CLSTN2: variants seen among roughly 807,000 people sequenced by gnomAD.
CLSTN2 encodes the protein calsyntenin-2.
A neutral mutation model predicts 101.2 loss-of-function variants in CLSTN2; 48 were observed. That is an observed-to-expected ratio of 0.47 (90% CI 0.38 to 0.60). The LOEUF is 0.60. CLSTN2 is among the 20% of genes least tolerant of loss of function. The probability of loss-of-function intolerance (pLI) is 0.00; values close to 1 mark genes in which losing one functional copy is unlikely to be tolerated. For synonymous variants in CLSTN2, 481 were observed against 463.6 expected (o/e 1.04, Z -0.48); for missense variants, 1,160 against 1,238.2 (o/e 0.94, Z 0.95).
At chr3:140,423,867 C>T (rs148297977) in intron 5 of CLSTN2, among the ~76,000 whole-genome samples, 174 of 152,236 alleles carry the variant, frequency 1.1e-3, no homozygotes, top group African/African-American at 4.1e-3. Context: ...TTTAGGCAAC[C>T]GGGATTAGTT....
At chr3:140,334,900 G>A (rs1026917652) in intron 2 of CLSTN2, among the ~76,000 whole-genome samples, 7 of 152,176 alleles carry the variant, frequency 4.6e-5, no homozygotes, top group Admixed American at 1.3e-4. Flanking sequence ...TTTACCCCCA[G>A]AACCTCAGGA....
At chr3:140,093,431 T>G (rs920213922) in intron 1 of CLSTN2, among the ~76,000 whole-genome samples, 8 of 152,132 alleles carry the variant, frequency 5.3e-5, no homozygotes, top group Non-Finnish European at 1.2e-4. Context: ...CTCTCTTCCC[T>G]TCTCACTTGT....
chr3:140,472,710 T>TCC (rs149061224), intron 8 of CLSTN2, among the ~76,000 whole-genome samples: 1 of 152,226 alleles, frequency 6.6e-6, no homozygotes, highest in Non-Finnish European at 1.5e-5. Context: ...GTCTTTTTTT[T>TCC]CTCTCTCTCT....
At chr3:140,340,148 T>C (rs544860658) in intron 2 of CLSTN2, among the ~76,000 whole-genome samples, 1 of 152,374 alleles carries the variant, frequency 6.6e-6, no homozygotes, top group Admixed American at 6.5e-5. Flanking sequence ...CATGTATCCT[T>C]TATAATATTG....
At chr3:139,981,474 A>C (rs1935921658) in intron 1 of CLSTN2, among the ~76,000 whole-genome samples, 1 of 152,240 alleles carries the variant, frequency 6.6e-6, no homozygotes, top group African/African-American at 2.4e-5. Context: ...CAAGATGGCT[A>C]TGCCAAGTTT....
At chr3:140,510,788 A>G (rs1420703850) in intron 8 of CLSTN2, among the ~76,000 whole-genome samples, 1 of 152,246 alleles carries the variant, frequency 6.6e-6, no homozygotes, top group Non-Finnish European at 1.5e-5. Flanking sequence ...TTTGCAAATG[A>G]GAGTAACATC....
At chr3:140,190,917 T>C (rs1002846171) in intron 2 of CLSTN2, among the ~76,000 whole-genome samples, 1 of 152,072 alleles carries the variant, frequency 6.6e-6, no homozygotes, top group African/African-American at 2.4e-5. Context: ...TTCCTTTTTA[T>C]TGTCTTTATA....
intron 1 of CLSTN2, among the ~76,000 whole-genome samples, chr3:139,949,010 T>A (rs1935253065): frequency 6.6e-6 from 1 of 152,098 alleles, no homozygotes. Context: ...CTGGAGGAGT[T>A]TTCCTGTGTT....
chr3:140,489,869 G>C (rs1460070620), intron 8 of CLSTN2, among the ~76,000 whole-genome samples: 4 of 151,188 alleles, frequency 2.6e-5, no homozygotes, highest in African/African-American at 9.7e-5. Context: ...GAAACGCTGA[G>C]TTTTGAATCA....
chr3:140,278,869 G>A (rs1427738268), intron 2 of CLSTN2, among the ~76,000 whole-genome samples: 5 of 152,094 alleles, frequency 3.3e-5, no homozygotes. Context: ...ACAAGTGCCT[G>A]CCACTATGCC....
At chr3:140,481,738 G>T (rs1333171745) in intron 8 of CLSTN2, among the ~76,000 whole-genome samples, 8 of 152,090 alleles carry the variant, frequency 5.3e-5, no homozygotes, top group Non-Finnish European at 7.4e-5. Flanking sequence ...CTCATTATTT[G>T]GCTCTCTGTT....
At chr3:140,439,648 AC>A (rs2088737043) in intron 5 of CLSTN2, among the ~76,000 whole-genome samples, 1 of 152,230 alleles carries the variant, frequency 6.6e-6, no homozygotes, top group Admixed American at 6.5e-5. Context: ...TTCAGGATTC[AC>A]ATTTGTCCAC....
intron 2 of CLSTN2, among the ~76,000 whole-genome samples, chr3:140,310,523 TGCAA>T (rs2087157945): frequency 6.6e-6 from 1 of 152,160 alleles, no homozygotes; most frequent in Non-Finnish European, 1.5e-5. Context: ...CATCAATGTC[TGCAA>T]GCAGTCAGGG....
intron 2 of CLSTN2, among the ~76,000 whole-genome samples, chr3:140,386,829 C>A (rs1315902750): frequency 6.6e-6 from 1 of 152,134 alleles, no homozygotes; most frequent in Non-Finnish European, 1.5e-5. Flanking sequence ...TTTTTACAGA[C>A]AATAGTAGCT....
At chr3:140,309,493 G>T (rs2087144862) in intron 2 of CLSTN2, among the ~76,000 whole-genome samples, 1 of 152,054 alleles carries the variant, frequency 6.6e-6, no homozygotes, top group Non-Finnish European at 1.5e-5. Flanking sequence ...TAGGAGTGGG[G>T]CTAGTCTTAC....
chr3:140,048,593 A>G (rs1470929698), intron 1 of CLSTN2, among the ~76,000 whole-genome samples: 2 of 152,212 alleles, frequency 1.3e-5, no homozygotes. Context: ...CATTTTACAA[A>G]TAAAGAAACT....
Position 140,123,949 on chromosome 3 carries a change from GC to G in CLSTN2, c.110-51999del, listed in dbSNP as rs568566188. Among the ~76,000 whole-genome samples the G allele has an allele frequency of 1.1e-3, 165 of 151,960 alleles. 1 individual carries two copies. Among genetic ancestry groups the G allele is most frequent in the African/African-American group, 3.8e-3 (159 of 41,426 alleles). On this transcript the variant is annotated intron_variant, in intron 1 of 16. Transcript: ENST00000458420. ...ATTTAACCTTAATTACCTCCTAAAA[GC>G]CCTATCTACAAAAACAATCACACTG...
At chr3:140,202,922 G>A (rs1273569685) in intron 2 of CLSTN2, among the ~76,000 whole-genome samples, 1 of 152,088 alleles carries the variant, frequency 6.6e-6, no homozygotes, top group Non-Finnish European at 1.5e-5. Flanking sequence ...AGTTCTGGAC[G>A]GTGCAATGTG....
Position 140,094,145 on chromosome 3 carries a change from A to G in CLSTN2, c.110-81806A>G, listed in dbSNP as rs538695209. ...CAACAGACGTTAACCCTCAACCCCA[A>G]TGCCAAAGTAAAACAGAAACACATC... is the stretch of plus-strand genomic sequence containing the variant. On this transcript the variant is annotated intron_variant, in intron 1 of 16. Transcript: ENST00000458420. Among the ~76,000 whole-genome samples the G allele has an allele frequency of 2.0e-5, 3 of 152,336 alleles. No individual in the cohort carries two copies. The East Asian group carries it at 5.8e-4, about 29-fold the overall frequency.
Sources: allele counts gnomAD v4.1 joint callset (sites outside exome capture counted in the v4.1 genomes callset), GRCh38; gene constraint gnomAD v4.1.1; transcripts MANE v1.5; gene names NCBI Gene and HGNC (gene_info 2026-07-23, HGNC 2026-07-21).